The following SENP2 variants were observed in gnomAD, a reference collection of about 807,000 sequenced individuals.
SENP2 encodes the protein SUMO specific peptidase 2.
In SENP2, 16 loss-of-function variants were observed where a neutral mutation model predicts 86.3. The observed-to-expected ratio is 0.19, with a 90% CI of 0.13 to 0.28. SENP2 has a LOEUF of 0.28. SENP2 is among the 10% of genes least tolerant of loss of function. The probability of loss-of-function intolerance (pLI) is 1.00; values close to 1 mark genes in which losing one functional copy is unlikely to be tolerated. For synonymous variants in SENP2, 222 were observed against 238.7 expected, an observed-to-expected ratio of 0.93 and a Z score of 0.64; for missense variants, 552 against 703.0, an observed-to-expected ratio of 0.79 and a Z score of 2.43.
intron 11 of SENP2, among the ~76,000 whole-genome samples, chr3:185,616,010 G>C (rs986822614): frequency 3.3e-5 from 5 of 151,226 alleles, no homozygotes; most frequent in African/African-American, 1.2e-4. Flanking sequence ...CTACAGGCGC[G>C]TGCCACCACG....
chr3:185,586,526 G>C lies in SENP2; in HGVS notation c.101+12G>C. 2 of 1,609,694 alleles carry C rather than the reference G, an allele frequency of 1.2e-6. No individual in the cohort carries two copies. The highest frequency in any genetic ancestry group is 1.7e-6 in the Non-Finnish European group (2 of 1,178,438). ...CGGCGCTCAGACAGGTGAGACGAGAGGGGGCTGAGCGCCAGCCTGGCCTTA... is the reference window on the plus strand; with the variant it reads ...CGGCGCTCAGACAGGTGAGACGAGACGGGGCTGAGCGCCAGCCTGGCCTTA... On this transcript the variant is annotated intron_variant, in intron 1 of 16. Transcript: ENST00000296257. The surrounding 1 kb of genome is among the most constrained non-coding windows in gnomAD (Gnocchi z 4.3).
intron 14 of SENP2, among the ~76,000 whole-genome samples, chr3:185,622,479 A>G (rs545801417): frequency 6.6e-6 from 1 of 152,322 alleles, no homozygotes; most frequent in South Asian, 2.1e-4. Flanking sequence ...CCTTCTTTTA[A>G]CTTTACTAAG....
At chr3:185,587,149 T>G (rs1481996981) in intron 1 of SENP2, among the ~76,000 whole-genome samples, 1 of 152,222 alleles carries the variant, frequency 6.6e-6, no homozygotes, top group Non-Finnish European at 1.5e-5. Flanking sequence ...TTTCTTTTGG[T>G]TGAGACGGAG....
chr3:185,621,389 T>TC (rs1479915691), intron 13 of SENP2, among the ~76,000 whole-genome samples: 2 of 108,636 alleles, frequency 1.8e-5, no homozygotes, highest in East Asian at 3.3e-4. Flanking sequence ...TTTTTTTCTT[T>TC]TTTTTTTTTT....
chr3:185,592,021 T>TTTTTTTTTTTTC, intron 2 of SENP2, among the ~76,000 whole-genome samples: 1 of 138,212 alleles, frequency 7.2e-6, no homozygotes, highest in African/African-American at 2.6e-5. Flanking sequence ...CTTTTTTTTT[T>TTTTTTTTTTTTC]TTTTTTTTTT....
intron 15 of SENP2, among the ~76,000 whole-genome samples, chr3:185,625,113 A>ATT (rs776466200): frequency 1.0e-4 from 15 of 142,978 alleles, no homozygotes; most frequent in Non-Finnish European, 1.1e-4. Context: ...ATTTAAGCAA[A>ATT]TTTTTTTTTT....
chr3:185,592,002 G>A (rs1049043254), intron 2 of SENP2, among the ~76,000 whole-genome samples: 1 of 43,058 alleles, frequency 2.3e-5, no homozygotes, highest in Non-Finnish European at 4.9e-5. Context: ...TTAAGAACCG[G>A]TAATATTTCT....
chr3:185,629,347 C>G (rs540475608), intron 16 of SENP2, among the ~76,000 whole-genome samples: 1 of 152,030 alleles, frequency 6.6e-6, no homozygotes, highest in Non-Finnish European at 1.5e-5. Flanking sequence ...GATGCTGAGG[C>G]GGGCGGATCA....
chr3:185,593,488 AT>A (rs1470947200), intron 2 of SENP2, among the ~76,000 whole-genome samples: 19 of 152,286 alleles, frequency 1.2e-4, no homozygotes, highest in African/African-American at 4.3e-4. Context: ...ATAGATACCA[AT>A]TTAGGAAATG....
intron 2 of SENP2, among the ~76,000 whole-genome samples, chr3:185,592,034 T>TTTTTTTTTTTTG (rs1722024459): frequency 8.7e-6 from 1 of 114,638 alleles, no homozygotes; most frequent in African/African-American, 3.5e-5. Context: ...TTTTTTTTTT[T>TTTTTTTTTTTTG]GAGACAGGAT....
chr3:185,626,217 C>T, intron 15 of SENP2, 81 bp from the exon 16 acceptor site: 2 of 850,394 alleles, frequency 2.4e-6, no homozygotes, highest in Admixed American at 2.1e-5. Context: ...TTGTTTACAG[C>T]AATATTTAGA....
chr3:185,594,222 T>G (rs538510823), intron 2 of SENP2, among the ~76,000 whole-genome samples: 1 of 152,232 alleles, frequency 6.6e-6, no homozygotes, highest in Non-Finnish European at 1.5e-5. Context: ...ACTTAATTAT[T>G]TAGGACAATC....
At chr3:185,587,159 G>C (rs1721811181) in intron 1 of SENP2, among the ~76,000 whole-genome samples, 1 of 152,192 alleles carries the variant, frequency 6.6e-6, no homozygotes, top group Non-Finnish European at 1.5e-5. Context: ...TTGAGACGGA[G>C]TCTTGCTCTG....
At chr3:185,616,474 CAAA>C (rs771658835) in intron 11 of SENP2, among the ~76,000 whole-genome samples, 12 of 85,762 alleles carry the variant, frequency 1.4e-4, no homozygotes, top group Admixed American at 4.0e-4. Flanking sequence ...GAATCTGTCT[CAAA>C]AAAAAAAAAA....
intron 6 of SENP2, among the ~76,000 whole-genome samples, chr3:185,608,461 C>T (rs1722587071): frequency 6.6e-6 from 1 of 152,050 alleles, no homozygotes. Context: ...CAAAGATAAC[C>T]CTATGTTTAT....
intron 2 of SENP2, among the ~76,000 whole-genome samples, chr3:185,590,420 A>C (rs552459698): frequency 1.1e-3 from 162 of 151,656 alleles, no homozygotes; most frequent in African/African-American, 3.6e-3. Flanking sequence ...TGGTGGCAGG[A>C]GCTTGTAATC....
chr3:185,610,329 T>A (rs1560195941), intron 7 of SENP2, among the ~76,000 whole-genome samples: 1 of 151,908 alleles, frequency 6.6e-6, no homozygotes, highest in East Asian at 1.9e-4. Context: ...CCCAGCTAAT[T>A]TTTTGTATTT....
In SENP2 at chr3:185,630,003, G is replaced by T; in HGVS notation, c.*159G>T. On this transcript the variant is annotated 3_prime_UTR_variant, in exon 17 of 17. Coordinates refer to ENST00000296257, the MANE Select transcript of SENP2 (RefSeq NM_021627.3). ...AGGCCTCTCACTGTACTCTAGTCCT[G>T]ACTTGGGGTGCAGAGGGCTGCTTGC... The T allele has an allele frequency of 1.5e-6, 1 of 672,236 alleles. No homozygotes were observed. Among genetic ancestry groups the T allele is most frequent in the Non-Finnish European group, 2.6e-6 (1 of 383,758 alleles). The allele number at this position is 672,236 out of a possible 1,614,324, so 41.6% of individuals were successfully genotyped here.
intron 1 of SENP2, among the ~76,000 whole-genome samples, chr3:185,588,245 G>A (rs1008437144): frequency 2.0e-5 from 3 of 149,960 alleles, no homozygotes; most frequent in African/African-American, 7.4e-5. Context: ...TTTTAGTAGA[G>A]ACGGGGTTTC....
Sources: allele counts gnomAD v4.1 joint callset (sites outside exome capture counted in the v4.1 genomes callset), GRCh38; gene constraint gnomAD v4.1.1; non-coding constraint Gnocchi (gnomAD v3.1); transcripts MANE v1.5; gene names NCBI Gene and HGNC (gene_info 2026-07-23, HGNC 2026-07-21).